The following SF3B3 variants were observed in gnomAD, a reference collection of about 807,000 sequenced individuals.
The protein encoded by SF3B3 is splicing factor 3b subunit 3.
A neutral mutation model predicts 139.2 loss-of-function variants in SF3B3; 33 were observed. The ratio of observed to expected loss-of-function variants is 0.24; its 90% CI spans 0.18 to 0.32. SF3B3 has a LOEUF of 0.32. SF3B3 is among the 10% of genes least tolerant of loss of function. SF3B3 has a pLI of 1.00. For synonymous variants in SF3B3, 596 were observed against 563.6 expected, an observed-to-expected ratio of 1.06 and a Z score of -0.81; for missense variants, 818 against 1,509.4, an observed-to-expected ratio of 0.54 and a Z score of 7.59.
chr16:70,525,866 CAGG>C (rs1215330286), intron 1 of SF3B3, among the ~76,000 whole-genome samples: 1 of 143,908 alleles, frequency 6.9e-6, no homozygotes, highest in Non-Finnish European at 1.5e-5. Context: ...GAGCCTGAGG[CAGG>C]AGAATGGTGT....
intron 16 of SF3B3, among the ~76,000 whole-genome samples, chr16:70,561,146 G>A (rs749333766): frequency 3.3e-5 from 5 of 152,070 alleles, no homozygotes; most frequent in Non-Finnish European, 7.4e-5. Flanking sequence ...TCAGCCTCCC[G>A]ATTAGCTGGG....
intron 18 of SF3B3, 143 bp from the exon 19 acceptor site, chr16:70,564,922 T>C: frequency 2.8e-6 from 2 of 701,778 alleles, no homozygotes; most frequent in South Asian, 1.7e-5. Context: ...TTAATAGTCA[T>C]GTCGGGAAAT....
intron 2 of SF3B3, 140 bp downstream of exon 2, chr16:70,526,866 T>A: frequency 1.6e-6 from 1 of 638,712 alleles, no homozygotes; most frequent in Non-Finnish European, 2.7e-6. Context: ...TGAGATGAGG[T>A]GTTAAGTTCT....
Position 70,535,309 on chromosome 16 carries a change from TC to T in SF3B3, c.716del (p.Pro239GlnfsTer11). On this transcript the variant is annotated frameshift_variant and splice_region_variant, in exon 6 of 26. Coordinates refer to ENST00000302516, the MANE Select transcript of SF3B3 (RefSeq NM_012426.5). LOFTEE classifies it high-confidence loss of function. The part of the protein sequence containing the change: ...EEHGNFLITV[P>X]GGSDGPSGVL... ...GCTAAGTTTTATTTTCTCTCACAGT[TC>T]CAGGAGGGTCAGATGGTCCAAGTGG... The T allele has an allele frequency of 6.5e-7, 1 of 1,542,796 alleles. No individual in the cohort carries two copies. The highest frequency in any genetic ancestry group is 8.8e-7 in the Non-Finnish European group (1 of 1,131,366).
At chr16:70,558,369 G>C (rs1290201566) in intron 15 of SF3B3, among the ~76,000 whole-genome samples, 1 of 151,702 alleles carries the variant, frequency 6.6e-6, no homozygotes, top group Non-Finnish European at 1.5e-5. Context: ...TCCTACATTG[G>C]CCTCCAAAAG....
chr16:70,530,162 A>ATAAATAAC (rs1567409059), intron 3 of SF3B3, among the ~76,000 whole-genome samples: 7 of 149,486 alleles, frequency 4.7e-5, no homozygotes, highest in African/African-American at 1.7e-4. Flanking sequence ...AAATAAATAA[A>ATAAATAAC]TAAATAAATA....
intron 11 of SF3B3, among the ~76,000 whole-genome samples, chr16:70,551,414 T>A (rs1400248442): frequency 1.3e-5 from 2 of 152,182 alleles, no homozygotes; most frequent in Non-Finnish European, 2.9e-5. Context: ...AGCGTTTTTT[T>A]TAAAATAGTG....
rs2050131863 is a variant in SF3B3 at position 70,532,538 on chromosome 16, C to G, written c.630C>G (p.Phe210Leu). 1.2e-6 allele frequency: 2 copies of G among 1,613,880 alleles called. No individual in the cohort carries two copies. The highest frequency in any genetic ancestry group is 1.3e-5 in the African/African-American group (1 of 74,894). The change falls in exon 5 of 26, where the codon TTC becomes TTG. Residue 210 changes from phenylalanine (F) to leucine (L), a missense_variant. Physicochemically the swap from Phe to Leu is conservative, Grantham distance 22 (BLOSUM62 0). Around this residue, in one of 14 missense-constraint regions of SF3B3, gnomAD observed 144 missense variants for 259.2 expected, o/e 0.56. Transcript: ENST00000302516. ...AAANTQQTLT[F>L]YELDLGLNHV... ...CTAATACCCAGCAGACACTTACTTT[C>G]TATGAGCTAGACCTTGGTTTAAATC...
intron 20 of SF3B3, among the ~76,000 whole-genome samples, chr16:70,566,942 C>CTGGGACTCT (rs1384272327): frequency 6.6e-6 from 1 of 151,472 alleles, no homozygotes; most frequent in Non-Finnish European, 1.5e-5. Flanking sequence ...CCCAGCTACT[C>CTGGGACTCT]GGGAGTCTGA....
At chr16:70,557,163 C>T in intron 15 of SF3B3, 134 bp downstream of exon 15, 18 of 885,338 alleles carry the variant, frequency 2.0e-5, no homozygotes, top group Non-Finnish European at 3.0e-5. Context: ...CAGTGTCACT[C>T]TGGGTTCCAC....
intron 8 of SF3B3, 42 bp downstream of exon 8, chr16:70,539,249 T>C (rs1458733820): frequency 1.4e-6 from 2 of 1,457,366 alleles, no homozygotes; most frequent in Non-Finnish European, 1.9e-6. Context: ...CTGGTTGGGA[T>C]AAAAGTTGGC....
chr16:70,569,382 A>G (rs918709838), intron 23 of SF3B3, among the ~76,000 whole-genome samples: 2 of 152,162 alleles, frequency 1.3e-5, no homozygotes. Context: ...TTTCTCCTGT[A>G]GGCATGTGCT....
chr16:70,545,374 A>G (rs1030364073), intron 10 of SF3B3, among the ~76,000 whole-genome samples: 5 of 152,234 alleles, frequency 3.3e-5, no homozygotes, highest in African/African-American at 7.2e-5. Context: ...GCCAAGTAGC[A>G]TAATTTTTAG....
chr16:70,526,222 T>A (rs951834332), intron 1 of SF3B3, among the ~76,000 whole-genome samples: 4 of 152,034 alleles, frequency 2.6e-5, no homozygotes, highest in African/African-American at 9.7e-5. Flanking sequence ...TTATTTTTTT[T>A]TTTGAGATGA....
At position 70,571,755 on chromosome 16, in the gene SF3B3, G is replaced by T; in HGVS notation, c.3596G>T (p.Arg1199Leu). 6.2e-7 allele frequency: 1 copy of T among 1,614,008 alleles called. No homozygotes were observed. The highest frequency in any genetic ancestry group is 8.5e-7 in the Non-Finnish European group (1 of 1,179,982). ...KQKNVSEELD[R>L]TPPEVSKKLE... is the part of the protein sequence containing the mutation. ...AAGAACGTCTCTGAAGAACTGGACC[G>T]AACCCCACCCGAAGTGTCCAAGAAA... is the stretch of plus-strand genomic sequence containing the variant. The change falls in exon 26 of 26, where the codon CGA becomes CTA. Residue 1199 changes from arginine to leucine, a missense_variant. By Grantham distance (102) the Arg-to-Leu change is moderately radical (BLOSUM62 -2). Transcript: ENST00000302516.
chr16:70,531,948 C>T (rs1161862281), intron 4 of SF3B3, among the ~76,000 whole-genome samples: 1 of 152,196 alleles, frequency 6.6e-6, no homozygotes, highest in Non-Finnish European at 1.5e-5. Context: ...TGCCTATAGT[C>T]CTAGCTGCTT....
At position 70,570,333 on chromosome 16, in the gene SF3B3, G is replaced by GT. The variant is rs71151192; in HGVS notation, c.3408+201dup. On this transcript the variant is annotated intron_variant, in intron 24 of 25. Transcript: ENST00000302516. Reference sequence around the variant, plus strand: ...TCCCGCACCCAGGGAAGGCCATTTGGTTTTTTTTTTTTTTTTTGCGACGGA... The same window carrying GT: ...TCCCGCACCCAGGGAAGGCCATTTGGTTTTTTTTTTTTTTTTTTGCGACGGA... Among the ~76,000 whole-genome samples the GT allele has an allele frequency of 9.5e-3, 1,158 of 121,744 alleles. 37 individuals are homozygous for GT. Among genetic ancestry groups the GT allele is most frequent in the African/African-American group, 0.024 (792 of 32,386 alleles). The allele number at this position is 121,744 out of a possible 152,430, so 79.9% of individuals were successfully genotyped here.
In SF3B3 at chr16:70,529,550, A is replaced by G; in HGVS notation, c.397+351A>G. On this transcript the variant is annotated intron_variant, in intron 3 of 25. Transcript: ENST00000302516. ...TTCACATTCATGTCTCTTCTCTGAT[A>G]AATTCTTGAAGAAAATTTTTGTGTG... The G allele has an allele frequency of 1.3e-5, 3 of 237,914 alleles. 1 individual carries two copies. The South Asian group carries it at 2.1e-4, about 17-fold the overall frequency. The allele number at this position is 237,914 out of a possible 1,614,324, so 14.7% of individuals were successfully genotyped here.
At position 70,569,035 on chromosome 16, in the gene SF3B3, C is replaced by T; in HGVS notation, c.3166-8C>T. 6.3e-7 allele frequency: 1 copy of T among 1,598,990 alleles called. No homozygotes were observed. The highest frequency in any genetic ancestry group is 1.1e-5 in the South Asian group (1 of 89,082). ...CCCAGCAGTGTGACTTGTGTCACTT[C>T]CTTGTAGGTGAGGCTCCCACCTAAC... On this transcript the variant is annotated splice_region_variant and splice_polypyrimidine_tract_variant and intron_variant, in intron 22 of 25. Coordinates refer to ENST00000302516, the MANE Select transcript of SF3B3 (RefSeq NM_012426.5).
Sources: gnomAD v4.1 joint callset for allele counts (sites outside exome capture counted in the v4.1 genomes callset) on GRCh38, gnomAD v4.1.1 for gene constraint, gnomAD v4.1.1 regional missense constraint, MANE v1.5 for transcripts, NCBI Gene and HGNC (gene_info 2026-07-23, HGNC 2026-07-21) for gene names.